Variants in AOAH observed in about 807,000 individuals in gnomAD.
The protein encoded by AOAH is acyloxyacyl hydrolase (neutrophil).
In AOAH, 64 loss-of-function variants were observed where a neutral mutation model predicts 92.2. That is an observed-to-expected ratio of 0.69 (90% CI 0.57 to 0.86). The LOEUF is 0.86. Ranked by LOEUF, AOAH falls within the 40% of genes least tolerant of loss-of-function variation. The pLI is 0.00. For missense variants in AOAH, 656 were observed against 694.6 expected (o/e 0.94, Z 0.62); for synonymous variants, 263 against 254.5 (o/e 1.03, Z -0.32).
At chr7:36,714,455 G>T (rs1460925543) in intron 1 of AOAH, among the ~76,000 whole-genome samples, 1 of 152,128 alleles carries the variant, frequency 6.6e-6, no homozygotes, top group African/African-American at 2.4e-5. Flanking sequence ...GAAAAAGAGG[G>T]AATCCTCCCT....
chr7:36,719,342 G>T (rs1190414592), intron 1 of AOAH, among the ~76,000 whole-genome samples: 1 of 152,208 alleles, frequency 6.6e-6, no homozygotes, highest in South Asian at 2.1e-4. Flanking sequence ...TCAGAGAAAA[G>T]ATGGAAGGTA....
At chr7:36,654,882 G>C (rs948707125) in intron 4 of AOAH, among the ~76,000 whole-genome samples, 32 of 152,336 alleles carry the variant, frequency 2.1e-4, no homozygotes, top group African/African-American at 7.5e-4. Context: ...CTCACTAGCT[G>C]TATAGCCTGG....
chr7:36,515,574 C>A (rs1378591005), intron 20 of AOAH, among the ~76,000 whole-genome samples: 3 of 111,108 alleles, frequency 2.7e-5, no homozygotes, highest in Non-Finnish European at 3.6e-5. Context: ...CACACCCCCC[C>A]CACACACCAC....
chr7:36,595,011 A>G (rs1268679470), intron 11 of AOAH, among the ~76,000 whole-genome samples: 1 of 152,166 alleles, frequency 6.6e-6, no homozygotes, highest in Non-Finnish European at 1.5e-5. Flanking sequence ...ACTCCTGCAC[A>G]ATTTGTCAAG....
intron 4 of AOAH, among the ~76,000 whole-genome samples, chr7:36,651,667 T>A (rs540562591): frequency 7.9e-5 from 12 of 152,342 alleles, no homozygotes; most frequent in Non-Finnish European, 1.3e-4. Context: ...TGCTCCAGAA[T>A]CTATGCTAAA....
intron 4 of AOAH, among the ~76,000 whole-genome samples, chr7:36,650,798 C>T (rs1164764478): frequency 2.0e-5 from 3 of 152,160 alleles, no homozygotes; most frequent in African/African-American, 7.2e-5. Flanking sequence ...TACTATGTGC[C>T]AGGTACTATG....
At position 36,623,193 on chromosome 7, in the gene AOAH, G is replaced by A. The variant is rs1224253700; in HGVS notation, c.579C>T (p.Phe193=). ...GGTTATTCCTAACAATACTTACTGG[G>A]AAAACGCTGTATTTGTCTGAATCCA... ...KDVDSDKYSV[F]PTLRGYHWRG... The change falls in exon 7 of 21, where the codon TTC becomes TTT. Residue 193 remains phenylalanine, a synonymous_variant. Transcript: ENST00000617537. The A allele has an allele frequency of 3.1e-6, 5 of 1,613,556 alleles. No individual in the cohort carries two copies. Among genetic ancestry groups the A allele is most frequent in the Non-Finnish European group, 4.2e-6 (5 of 1,179,606 alleles).
At chr7:36,525,987 C>T (rs10230535) in intron 19 of AOAH, among the ~76,000 whole-genome samples, 10,362 of 152,116 alleles carry the variant, frequency 0.068, 528 homozygotes, top group East Asian at 0.18. Flanking sequence ...GGAATAGGAG[C>T]GTACCCTAGG....
intron 12 of AOAH, among the ~76,000 whole-genome samples, chr7:36,587,271 C>CAAAAAAAAAAA (rs57475443): frequency 1.2e-5 from 1 of 84,910 alleles, no homozygotes; most frequent in African/African-American, 4.3e-5. Context: ...GACTCCGTCT[C>CAAAAAAAAAAA]AAAAAAAAAA....
chr7:36,692,454 AT>A (rs10719526), intron 1 of AOAH, among the ~76,000 whole-genome samples: 84,920 of 150,984 alleles, frequency 0.56, 24,175 homozygotes, highest in East Asian at 0.83. Context: ...TACTTGAAAC[AT>A]TTTTTTTTTA....
chr7:36,555,938 C>G (rs528074315), intron 13 of AOAH, among the ~76,000 whole-genome samples: 1 of 152,130 alleles, frequency 6.6e-6, no homozygotes, highest in East Asian at 1.9e-4. Context: ...AAACCAGCTC[C>G]TGGATTCATT....
chr7:36,616,441 T>A lies in AOAH; in HGVS notation c.785A>T (p.Asp262Val). The A allele has an allele frequency of 1.9e-6, 3 of 1,614,038 alleles. No individual in the cohort carries two copies. The highest frequency in any genetic ancestry group is 2.5e-6 in the Non-Finnish European group (3 of 1,179,958). Residue 262 changes from aspartate to valine, a missense_variant, in exon 11 of 21, where the codon GAC becomes GTC. Asp to Val is a radical substitution (Grantham distance 152). Coordinates refer to ENST00000617537, the MANE Select transcript of AOAH (RefSeq NM_001637.4). ...SQPRGIILLG[D>V]SAGAHFHISP... ...GATGTGAAAATGAGCCCCAGCTGAGTCTCCCAGCAAAATGATTCCCCTGGG... is the reference window on the plus strand; with the variant it reads ...GATGTGAAAATGAGCCCCAGCTGAGACTCCCAGCAAAATGATTCCCCTGGG...
chr7:36,685,969 C>T (rs943091902), intron 2 of AOAH, among the ~76,000 whole-genome samples: 2 of 152,022 alleles, frequency 1.3e-5, no homozygotes, highest in Non-Finnish European at 2.9e-5. Context: ...ATTCCAACTA[C>T]CTTACTTAAC....
rs186577486 is a variant in AOAH, at chr7:36,621,825, T to A, written c.583-45A>T. On this transcript the variant is annotated intron_variant, in intron 7 of 20. Transcript: ENST00000617537. ...ACAGGAGGGGTTCAGCCTGCTTTGA[T>A]GTTATCCACGAGGAAGGCTAATCAG... The A allele has an allele frequency of 1.6e-4, 250 of 1,568,152 alleles. 3 individuals carry two copies. The East Asian group carries it at 4.7e-3, about 29-fold the overall frequency.
chr7:36,721,903 G>A (rs945269430), intron 1 of AOAH, among the ~76,000 whole-genome samples: 1 of 152,140 alleles, frequency 6.6e-6, no homozygotes, highest in African/African-American at 2.4e-5. Flanking sequence ...AAGATTGGCA[G>A]CTTCTAATTC....
intron 4 of AOAH, among the ~76,000 whole-genome samples, chr7:36,639,506 G>C (rs1793752934): frequency 1.3e-5 from 2 of 152,110 alleles, no homozygotes. Flanking sequence ...AAAAGCAAAA[G>C]AAAATAGTTA....
chr7:36,669,871 AC>A (rs1233535761), intron 3 of AOAH, among the ~76,000 whole-genome samples: 1 of 152,226 alleles, frequency 6.6e-6, no homozygotes, highest in Non-Finnish European at 1.5e-5. Context: ...ATAAATAGAT[AC>A]CAGAAAGCAA....
chr7:36,680,871 C>T (rs548038817), intron 2 of AOAH, among the ~76,000 whole-genome samples: 1 of 152,198 alleles, frequency 6.6e-6, no homozygotes, highest in Non-Finnish European at 1.5e-5. Flanking sequence ...CCGGTTTCCA[C>T]TTCACCAGAA....
chr7:36,640,017 C>T (rs1292389610), intron 4 of AOAH, among the ~76,000 whole-genome samples: 2 of 152,162 alleles, frequency 1.3e-5, no homozygotes, highest in South Asian at 2.1e-4. Context: ...GCAGCAGAGG[C>T]TGTGCTGAGG....
Sources: gnomAD v4.1 joint callset for allele counts (sites outside exome capture counted in the v4.1 genomes callset) on GRCh38, gnomAD v4.1.1 for gene constraint, MANE v1.5 for transcripts, NCBI Gene and HGNC (gene_info 2026-07-23, HGNC 2026-07-21) for gene names.